Variants in PATJ observed in about 807,000 individuals in gnomAD.
PATJ encodes the protein PATJ crumbs cell polarity complex component, also known as inaD-like protein.
Under a neutral mutation model 224.9 loss-of-function variants are expected in PATJ, and 190 were observed. That is an observed-to-expected ratio of 0.84 (90% CI 0.75 to 0.95). PATJ has a LOEUF of 0.95. Ranked by LOEUF, PATJ falls within the 40% of genes least tolerant of loss-of-function variation. The probability of loss-of-function intolerance (pLI) is 0.00; values close to 1 mark genes in which losing one functional copy is unlikely to be tolerated. For missense variants in PATJ, 2,121 were observed against 2,270.3 expected (o/e 0.93, Z 1.34); for synonymous variants, 769 against 820.3 (o/e 0.94, Z 1.07).
chr1:61,876,009 GA>G (rs1206524788), intron 21 of PATJ, among the ~76,000 whole-genome samples: 2 of 152,086 alleles, frequency 1.3e-5, no homozygotes, highest in African/African-American at 4.8e-5. Flanking sequence ...ATAGCACTGG[GA>G]TTTATAGAGC....
At chr1:61,771,398 C>T (rs1326014767) in intron 5 of PATJ, 33 bp from the exon 6 acceptor site, 6 of 1,399,740 alleles carry the variant, frequency 4.3e-6, no homozygotes, top group Middle Eastern at 1.8e-4. Flanking sequence ...GTTATTAGAT[C>T]ACTTAAAAAA....
chr1:62,140,968 A>G (rs1667440512), intron 41 of PATJ, among the ~76,000 whole-genome samples: 1 of 151,994 alleles, frequency 6.6e-6, no homozygotes, highest in African/African-American at 2.4e-5. Context: ...GTTTCTAGGA[A>G]GTGGGGGTGA....
chr1:61,872,059 C>A (rs1161421298), intron 20 of PATJ, among the ~76,000 whole-genome samples: 2 of 152,060 alleles, frequency 1.3e-5, no homozygotes, highest in African/African-American at 2.4e-5. Context: ...ATTGAAATCC[C>A]AGATTTGGAT....
chr1:61,779,225 T>C (rs1240916323), intron 7 of PATJ, among the ~76,000 whole-genome samples: 1 of 152,228 alleles, frequency 6.6e-6, no homozygotes, highest in Non-Finnish European at 1.5e-5. Context: ...TTTAAAAAAT[T>C]GGCTCATGCC....
chr1:61,747,539 G>A (rs949530334), intron 1 of PATJ, among the ~76,000 whole-genome samples: 8 of 152,322 alleles, frequency 5.3e-5, no homozygotes, highest in African/African-American at 1.4e-4. Context: ...TAATCTGTAA[G>A]CTGTTATTCT....
chr1:61,894,376 C>G (rs1670065028), intron 22 of PATJ, among the ~76,000 whole-genome samples: 1 of 152,164 alleles, frequency 6.6e-6, no homozygotes, highest in Non-Finnish European at 1.5e-5. Flanking sequence ...TGGGTTGGCT[C>G]TGTGTCTCTA....
At position 62,099,347 on chromosome 1, in the gene PATJ, C is replaced by A. The variant is rs957385354; in HGVS notation, c.4378-9090C>A. 7.2e-5 allele frequency among the ~76,000 whole-genome samples: 4 copies of A among 55,676 alleles called. 1 individual carries two copies. Among genetic ancestry groups the A allele is most frequent in the South Asian group, 6.6e-4 (1 of 1,518 alleles). The allele number at this position is 55,676 out of a possible 152,430, so 36.5% of individuals were successfully genotyped here. ...ATTTTTTTGTATACAATATCTCCAACTTTTTTTTTTTTTTTTTTTTTTTTT... is the reference window on the plus strand; with the variant it reads ...ATTTTTTTGTATACAATATCTCCAAATTTTTTTTTTTTTTTTTTTTTTTTT... On this transcript the variant is annotated intron_variant, in intron 33 of 43. Coordinates refer to ENST00000642238, the MANE Select transcript of PATJ (RefSeq NM_001350145.3).
At chr1:61,827,712 C>T (rs1237901290) in intron 16 of PATJ, 129 bp downstream of exon 16, 2 of 676,350 alleles carry the variant, frequency 3.0e-6, no homozygotes, top group Non-Finnish European at 4.5e-6. Context: ...ACTAAGGCAA[C>T]AATGCATAGC....
chr1:61,771,629 G>A lies in PATJ; in HGVS notation c.720+3G>A. 1 of 1,561,814 alleles carries A rather than the reference G, an allele frequency of 6.4e-7. No individual in the cohort carries two copies. Among genetic ancestry groups the A allele is most frequent in the Non-Finnish European group, 8.6e-7 (1 of 1,158,634 alleles). On this transcript the variant is annotated splice_donor_region_variant and intron_variant, in intron 6 of 43. Transcript: ENST00000642238. ...ATGATACAACTCTGCCTGAAACAGTGAGTTGCAAATTTGAAAAAATACTTA... is the reference window on the plus strand; with the variant it reads ...ATGATACAACTCTGCCTGAAACAGTAAGTTGCAAATTTGAAAAAATACTTA...
intron 43 of PATJ, among the ~76,000 whole-genome samples, chr1:62,155,272 A>T (rs1226628987): frequency 6.6e-6 from 1 of 152,180 alleles, no homozygotes; most frequent in East Asian, 1.9e-4. Flanking sequence ...CAGACAGAAC[A>T]TGGGTCAGCT....
intron 17 of PATJ, among the ~76,000 whole-genome samples, chr1:61,847,653 T>C (rs1662174463): frequency 6.6e-6 from 1 of 152,244 alleles, no homozygotes; most frequent in Non-Finnish European, 1.5e-5. Context: ...GATAGCTTGC[T>C]CATTATTCAT....
chr1:61,980,107 G>A (rs1644370113), intron 27 of PATJ, among the ~76,000 whole-genome samples: 1 of 151,914 alleles, frequency 6.6e-6, no homozygotes, highest in African/African-American at 2.4e-5. Flanking sequence ...TATGTAGGGT[G>A]TACTGAATCC....
chr1:62,080,915 C>A (rs551617375), intron 32 of PATJ, among the ~76,000 whole-genome samples: 133 of 152,052 alleles, frequency 8.7e-4, no homozygotes, highest in African/African-American at 3.2e-3. Flanking sequence ...GGTCTACAAG[C>A]TAAAAAAGGT....
chr1:61,751,589 G>A (rs1645332501), intron 1 of PATJ, among the ~76,000 whole-genome samples: 1 of 152,008 alleles, frequency 6.6e-6, no homozygotes, highest in African/African-American at 2.4e-5. Context: ...ACTTTGGGAG[G>A]CCAAGGCAGG....
At chr1:62,124,325 C>T (rs939206831) in intron 39 of PATJ, among the ~76,000 whole-genome samples, 2 of 152,084 alleles carry the variant, frequency 1.3e-5, no homozygotes, top group African/African-American at 2.4e-5. Flanking sequence ...TCAATCGATC[C>T]GACCACCTCA....
chr1:62,111,524 A>G (rs1037160854), intron 34 of PATJ, among the ~76,000 whole-genome samples: 2 of 152,158 alleles, frequency 1.3e-5, no homozygotes, highest in Non-Finnish European at 2.9e-5. Flanking sequence ...CCTTCACAAC[A>G]CTAAGTAAAT....
intron 22 of PATJ, among the ~76,000 whole-genome samples, chr1:61,889,275 C>T (rs1355980711): frequency 6.6e-6 from 1 of 152,150 alleles, no homozygotes; most frequent in African/African-American, 2.4e-5. Context: ...ATCTACAGTG[C>T]ACTTTTGCAC....
intron 28 of PATJ, among the ~76,000 whole-genome samples, chr1:62,002,733 AAG>A (rs1553238285): frequency 7.7e-6 from 1 of 130,672 alleles, no homozygotes; most frequent in Non-Finnish European, 1.6e-5. Context: ...AAAAAAAAAA[AAG>A]AGAGAGAGAA....
rs1042374753 is a variant in PATJ, at chr1:61,768,311, T to C, written c.385-972T>C. Among the ~76,000 whole-genome samples the C allele has an allele frequency of 2.0e-5, 3 of 151,500 alleles. No homozygotes were observed. The East Asian group carries it at 5.9e-4, about 30-fold the overall frequency. On this transcript the variant is annotated intron_variant, in intron 4 of 43. Coordinates refer to ENST00000642238, the MANE Select transcript of PATJ (RefSeq NM_001350145.3). ...GGTGAAACCCCGTCTCTACTAAAAA[T>C]ACAAAAAAATTAGCCAGGCGTGGTG...
Sources: allele counts gnomAD v4.1 joint callset (sites outside exome capture counted in the v4.1 genomes callset), GRCh38; gene constraint gnomAD v4.1.1; transcripts MANE v1.5; gene names NCBI Gene and HGNC (gene_info 2026-07-23, HGNC 2026-07-21).